Variants in EYS observed in about 807,000 individuals in gnomAD.
The protein encoded by EYS is EGF-like photoreceptor maintenance factor.
In EYS, 250 loss-of-function variants were observed where a neutral mutation model predicts 282.1. That is an observed-to-expected ratio of 0.89 (90% CI 0.80 to 0.98). The LOEUF is 0.98. Ranked by LOEUF, EYS falls within the 50% of genes least tolerant of loss-of-function variation. EYS has a pLI of 0.00. For synonymous variants in EYS, 1,355 were observed against 1,282.9 expected (o/e 1.06, Z -1.20); for missense variants, 4,016 against 3,709.0 (o/e 1.08, Z -2.15).
chr6:64,966,639 C>T (rs919331706), intron 14 of EYS, among the ~76,000 whole-genome samples: 5 of 152,206 alleles, frequency 3.3e-5, no homozygotes, highest in Non-Finnish European at 5.9e-5. Context: ...TTGGTTTATG[C>T]CCACCTTTTC....
chr6:64,334,040 C>G (rs1246267363), intron 29 of EYS, among the ~76,000 whole-genome samples: 2 of 152,124 alleles, frequency 1.3e-5, no homozygotes, highest in African/African-American at 4.8e-5. Flanking sequence ...CCTGACAAGG[C>G]CTTTCAGAAC....
chr6:65,352,945 A>T (rs564330849), intron 9 of EYS, among the ~76,000 whole-genome samples: 1 of 151,860 alleles, frequency 6.6e-6, no homozygotes, highest in Non-Finnish European at 1.5e-5. Context: ...TCAACCCAGA[A>T]TTCTCTCTTC....
At chr6:64,482,143 A>C (rs1454673923) in intron 26 of EYS, among the ~76,000 whole-genome samples, 1 of 151,708 alleles carries the variant, frequency 6.6e-6, no homozygotes, top group Non-Finnish European at 1.5e-5. Flanking sequence ...TACTCAATGA[A>C]ACAAAAAATA....
At chr6:63,845,972 A>G (rs1489303308) in intron 36 of EYS, among the ~76,000 whole-genome samples, 1 of 152,156 alleles carries the variant, frequency 6.6e-6, no homozygotes, top group Non-Finnish European at 1.5e-5. Context: ...AGAATTCAGG[A>G]TCCTAAAGAT....
intron 16 of EYS, among the ~76,000 whole-genome samples, chr6:64,908,235 C>A (rs1583283481): frequency 6.6e-6 from 1 of 152,078 alleles, no homozygotes; most frequent in African/African-American, 2.4e-5. Context: ...CAGGACCTGG[C>A]TGGCCACTCC....
At chr6:65,401,123 C>T (rs1766477461) in intron 7 of EYS, among the ~76,000 whole-genome samples, 1 of 151,814 alleles carries the variant, frequency 6.6e-6, no homozygotes, top group Non-Finnish European at 1.5e-5. Flanking sequence ...GAGTCACTGA[C>T]CTAGGAAAAC....
chr6:64,172,396 G>A (rs1764504779), intron 31 of EYS, among the ~76,000 whole-genome samples: 1 of 152,060 alleles, frequency 6.6e-6, no homozygotes, highest in African/African-American at 2.4e-5. Context: ...TGTGCCCCTA[G>A]CCCCTGGAAA....
At chr6:65,331,611 CA>C (rs1346578627) in intron 11 of EYS, 2 of 978,206 alleles carry the variant, frequency 2.0e-6, no homozygotes, top group African/African-American at 1.8e-5. Context: ...CTCTGGATAT[CA>C]AAAAATAATG....
At chr6:64,394,121 T>G (rs954047322) in intron 28 of EYS, among the ~76,000 whole-genome samples, 26 of 152,034 alleles carry the variant, frequency 1.7e-4, no homozygotes, top group South Asian at 4.2e-4. Context: ...ACTGCTCAAT[T>G]AAATAAAAGA....
chr6:64,560,901 C>T (rs974856693), intron 26 of EYS, among the ~76,000 whole-genome samples: 1 of 151,944 alleles, frequency 6.6e-6, no homozygotes, highest in Non-Finnish European at 1.5e-5. Flanking sequence ...AAGAAAACTT[C>T]AGGCCAGTAT....
intron 12 of EYS, among the ~76,000 whole-genome samples, chr6:65,267,649 C>T (rs1165040140): frequency 6.6e-6 from 1 of 151,622 alleles, no homozygotes; most frequent in East Asian, 1.9e-4. Context: ...CAGATGTTAC[C>T]CTCAGCAGTG....
chr6:63,825,430 G>A (rs1444611429), intron 36 of EYS, among the ~76,000 whole-genome samples: 1 of 152,214 alleles, frequency 6.6e-6, no homozygotes, highest in Non-Finnish European at 1.5e-5. Flanking sequence ...CTGGGCAAGA[G>A]GCCAAGCAGC....
intron 12 of EYS, among the ~76,000 whole-genome samples, chr6:65,230,945 T>G (rs9445487): frequency 0.014 from 2,060 of 150,840 alleles, 29 homozygotes; most frequent in African/African-American, 0.042. Flanking sequence ...GAATATATAT[T>G]TCATACTAGG....
chr6:63,998,018 TA>T (rs1767913823), intron 34 of EYS, among the ~76,000 whole-genome samples: 2 of 152,170 alleles, frequency 1.3e-5, no homozygotes, highest in African/African-American at 4.8e-5. Context: ...AATGACTTTT[TA>T]AAACATAAAA....
At chr6:65,124,329 T>C (rs1775656459) in intron 12 of EYS, among the ~76,000 whole-genome samples, 1 of 152,210 alleles carries the variant, frequency 6.6e-6, no homozygotes. Flanking sequence ...TATTTCCAGA[T>C]GAATAAATTT....
chr6:64,439,713 T>C (rs1022417065), intron 26 of EYS, among the ~76,000 whole-genome samples: 1 of 151,872 alleles, frequency 6.6e-6, no homozygotes, highest in African/African-American at 2.4e-5. Context: ...ATATTGTTAA[T>C]AATTTAATTT....
At chr6:65,318,196 G>A (rs928277243) in intron 11 of EYS, among the ~76,000 whole-genome samples, 1 of 150,840 alleles carries the variant, frequency 6.6e-6, no homozygotes, top group African/African-American at 2.4e-5. Flanking sequence ...TTACCGTGCA[G>A]TCCTCTCCAT....
intron 1 of EYS, among the ~76,000 whole-genome samples, chr6:65,642,724 A>C (rs190964549): frequency 6.6e-6 from 1 of 152,338 alleles, no homozygotes; most frequent in East Asian, 1.9e-4. Context: ...TCAGTCTAAT[A>C]AGTATTTCTT....
At chr6:64,945,145 AG>A (rs1221784503) in intron 15 of EYS, among the ~76,000 whole-genome samples, 110 of 149,012 alleles carry the variant, frequency 7.4e-4, no homozygotes, top group Middle Eastern at 3.5e-3. Context: ...AAAAAAAAAA[AG>A]AATGGGAAAA....
Sources: gnomAD v4.1 joint callset for allele counts (sites outside exome capture counted in the v4.1 genomes callset) on GRCh38, gnomAD v4.1.1 for gene constraint, MANE v1.5 for transcripts, NCBI Gene and HGNC (gene_info 2026-07-23, HGNC 2026-07-21) for gene names.